The following NREP variants were observed in gnomAD, a reference collection of about 807,000 sequenced individuals.
The protein encoded by NREP is neuronal regeneration related protein.
NREP carries 5 observed loss-of-function variants against 8.6 expected under a neutral mutation model. The ratio of observed to expected loss-of-function variants is 0.58; its 90% CI spans 0.30 to 1.22. NREP has a LOEUF of 1.22. Among genes scored for constraint, NREP ranks in the 50% most tolerant of loss-of-function variants. The pLI is 0.07. For synonymous variants in NREP, 27 were observed against 28.0 expected, an observed-to-expected ratio of 0.96 and a Z score of 0.11; for missense variants, 86 against 82.5, an observed-to-expected ratio of 1.04 and a Z score of -0.17.
intron 2 of NREP, among the ~76,000 whole-genome samples, chr5:111,936,155 T>C (rs1755676335): frequency 6.6e-6 from 1 of 152,120 alleles, no homozygotes. Context: ...AAGGGCATGA[T>C]ATGGTTCGGC....
chr5:111,778,993 T>C (rs1751427612), intron 2 of NREP, among the ~76,000 whole-genome samples: 1 of 152,172 alleles, frequency 6.6e-6, no homozygotes, highest in African/African-American at 2.4e-5. Flanking sequence ...ACCTTTACGT[T>C]GCAATCATAC....
chr5:111,937,031 C>T (rs1755704156), intron 2 of NREP, among the ~76,000 whole-genome samples: 1 of 152,072 alleles, frequency 6.6e-6, no homozygotes, highest in African/African-American at 2.4e-5. Flanking sequence ...ACTTCATTTC[C>T]TGCCCTGGGA....
At chr5:111,797,826 A>G (rs1346055285) in intron 2 of NREP, among the ~76,000 whole-genome samples, 1 of 152,206 alleles carries the variant, frequency 6.6e-6, no homozygotes, top group East Asian at 1.9e-4. Context: ...AAGGGGAAGT[A>G]ATAGCATGAG....
chr5:111,743,266 A>AG (rs1749797481), intron 2 of NREP, among the ~76,000 whole-genome samples: 1 of 150,304 alleles, frequency 6.7e-6, no homozygotes, highest in South Asian at 2.1e-4. Context: ...TTAGTGAAGA[A>AG]AAAAAAAAAA....
chr5:111,772,814 G>T (rs1193614543), intron 2 of NREP, among the ~76,000 whole-genome samples: 2 of 152,084 alleles, frequency 1.3e-5, no homozygotes, highest in Non-Finnish European at 2.9e-5. Flanking sequence ...TCTTTATTAT[G>T]TATTATTAAT....
At chr5:111,968,289 A>G (rs991153941) in intron 2 of NREP, among the ~76,000 whole-genome samples, 1 of 152,200 alleles carries the variant, frequency 6.6e-6, no homozygotes, top group African/African-American at 2.4e-5. Flanking sequence ...AAGAAAAGAT[A>G]AGTTATGAAA....
intron 2 of NREP, among the ~76,000 whole-genome samples, chr5:111,942,243 ATT>A (rs1334476844): frequency 6.6e-6 from 1 of 152,048 alleles, no homozygotes; most frequent in Non-Finnish European, 1.5e-5. Context: ...ATTTTTTAAT[ATT>A]TTTATTTCGA....
At chr5:111,760,015 C>A (rs1750926070), upstream of NREP, among the ~76,000 whole-genome samples, 1 of 152,172 alleles carries the variant, frequency 6.6e-6, no homozygotes, top group African/African-American at 2.4e-5. Context: ...TCATTTAGGG[C>A]ACATAATTAT....
intron 3 of NREP, 94 bp downstream of exon 3, chr5:111,735,336 A>G (rs1026807168): frequency 1.3e-6 from 1 of 794,174 alleles, no homozygotes; most frequent in South Asian, 1.5e-5. Context: ...ATAGCAGCCT[A>G]TAATGGGTAT....
chr5:111,806,379 A>T (rs1218637110), intron 2 of NREP, among the ~76,000 whole-genome samples: 1 of 152,134 alleles, frequency 6.6e-6, no homozygotes, highest in Non-Finnish European at 1.5e-5. Flanking sequence ...ATGTGGTTTT[A>T]AAAATGTGTT....
intron 2 of NREP, among the ~76,000 whole-genome samples, chr5:111,912,125 C>T (rs888305443): frequency 8.6e-5 from 13 of 151,992 alleles, no homozygotes; most frequent in Non-Finnish European, 1.5e-4. Context: ...TAGAGCATTC[C>T]TTGAACTTTT....
chr5:111,939,648 C>T (rs904210607), intron 2 of NREP, among the ~76,000 whole-genome samples: 8 of 152,036 alleles, frequency 5.3e-5, no homozygotes, highest in South Asian at 2.1e-4. Context: ...CAGCTCTTAC[C>T]GTAAACAAGT....
At chr5:111,866,994 G>T (rs1753681525) in intron 2 of NREP, among the ~76,000 whole-genome samples, 1 of 151,334 alleles carries the variant, frequency 6.6e-6, no homozygotes, top group Non-Finnish European at 1.5e-5. Flanking sequence ...GGGGCCTGTT[G>T]TGGGGTGGGG....
intron 2 of NREP, among the ~76,000 whole-genome samples, chr5:111,850,644 G>T (rs1161457704): frequency 6.6e-6 from 1 of 151,794 alleles, no homozygotes; most frequent in African/African-American, 2.4e-5. Context: ...AGTTATATTC[G>T]GTTCTTCCTA....
chr5:111,766,518 C>T (rs1389641210), intron 2 of NREP, among the ~76,000 whole-genome samples: 3 of 152,198 alleles, frequency 2.0e-5, no homozygotes, highest in Admixed American at 1.3e-4. Flanking sequence ...AGAACACAAG[C>T]GTGAAGGGAA....
intron 2 of NREP, chr5:111,738,568 G>A (rs1022421293): frequency 6.6e-6 from 1 of 152,164 alleles, no homozygotes; most frequent in African/African-American, 2.4e-5. Context: ...TGCAGCAAGA[G>A]TTCATGAAAT....
chr5:111,732,822 T>A (rs144344967), intron 3 of NREP: 1 of 152,304 alleles, frequency 6.6e-6, no homozygotes, highest in East Asian at 1.9e-4. Flanking sequence ...CTGTTAATTG[T>A]CACAGGCAAG....
chr5:111,799,222 C>G (rs1338491675), intron 2 of NREP, among the ~76,000 whole-genome samples: 2 of 152,072 alleles, frequency 1.3e-5, no homozygotes, highest in Non-Finnish European at 2.9e-5. Flanking sequence ...GATTTGTTCT[C>G]TTTGCTTTGT....
At chr5:111,765,092 T>C (rs1751049363) in intron 2 of NREP, among the ~76,000 whole-genome samples, 1 of 152,158 alleles carries the variant, frequency 6.6e-6, no homozygotes, top group South Asian at 2.1e-4. Context: ...GGGACTGGTT[T>C]CCTGGAAGAC....
Sources: allele counts gnomAD v4.1 joint callset (sites outside exome capture counted in the v4.1 genomes callset), GRCh38; gene constraint gnomAD v4.1.1; transcripts MANE v1.5; gene names NCBI Gene and HGNC (gene_info 2026-07-23, HGNC 2026-07-21).